ANKFY1: variants seen among roughly 807,000 people sequenced by gnomAD.
The protein encoded by ANKFY1 is ankyrin repeat and FYVE domain-containing protein 1.
A neutral mutation model predicts 128.3 loss-of-function variants in ANKFY1; 47 were observed. The observed-to-expected ratio is 0.37, with a 90% CI of 0.29 to 0.47. The LOEUF is 0.47. Ranked by LOEUF, ANKFY1 falls within the 20% of genes least tolerant of loss-of-function variation. The probability of loss-of-function intolerance (pLI) is 1.00; values close to 1 mark genes in which losing one functional copy is unlikely to be tolerated. For synonymous variants in ANKFY1, 553 were observed against 601.6 expected (o/e 0.92, Z 1.18); for missense variants, 1,222 against 1,510.6 (o/e 0.81, Z 3.17).
chr17:4,214,635 C>A (rs1416718583), intron 4 of ANKFY1, among the ~76,000 whole-genome samples: 3 of 151,676 alleles, frequency 2.0e-5, no homozygotes, highest in African/African-American at 7.3e-5. Flanking sequence ...AAGCGATTCT[C>A]CTGCCTCAGC....
Position 4,184,956 on chromosome 17 carries a change from T to A in ANKFY1, c.1561A>T (p.Thr521Ser), listed in dbSNP as rs548642449. The A allele has an allele frequency of 6.2e-7, 1 of 1,614,096 alleles. No individual in the cohort carries two copies. The highest frequency in any genetic ancestry group is 1.1e-5 in the South Asian group (1 of 91,090). The change falls in exon 12 of 25, where the codon ACG becomes TCG. Residue 521 changes from threonine (T) to serine (S), a missense_variant. By Grantham distance (58) the Thr-to-Ser change is moderately conservative (BLOSUM62 1). Coordinates refer to ENST00000341657, the MANE Select transcript of ANKFY1 (RefSeq NM_001330063.2). ...LQQGANPNLQ[T>S]EEALPLPKEA... is the part of the protein sequence containing the mutation. ...TTTGGCAGAGGCAGAGCTTCCTCCGTCTGCAGGTTTGGGTTGGCGCCTTGC... is the reference window on the plus strand; with the variant it reads ...TTTGGCAGAGGCAGAGCTTCCTCCGACTGCAGGTTTGGGTTGGCGCCTTGC...
intron 3 of ANKFY1, among the ~76,000 whole-genome samples, chr17:4,220,881 A>G (rs1424212968): frequency 6.6e-6 from 1 of 152,208 alleles, no homozygotes; most frequent in African/African-American, 2.4e-5. Flanking sequence ...AGTTCTCTCT[A>G]AAAGGAGTAG....
At chr17:4,250,339 T>C (rs143787346) in intron 1 of ANKFY1, among the ~76,000 whole-genome samples, 1,820 of 152,356 alleles carry the variant, frequency 0.012, 31 homozygotes, top group African/African-American at 0.039. Context: ...CAAAGTCTTC[T>C]TCCTACTTCA....
chr17:4,252,502 G>A (rs964457012), intron 1 of ANKFY1, among the ~76,000 whole-genome samples: 1 of 152,038 alleles, frequency 6.6e-6, no homozygotes, highest in African/African-American at 2.4e-5. Context: ...CCAGGAGTTC[G>A]AGGCTGCAGT....
At chr17:4,204,984 T>C (rs951816426) in intron 7 of ANKFY1, among the ~76,000 whole-genome samples, 1 of 152,206 alleles carries the variant, frequency 6.6e-6, no homozygotes, top group Non-Finnish European at 1.5e-5. Flanking sequence ...ATAAGGATAC[T>C]TGTATTAAAA....
intron 4 of ANKFY1, among the ~76,000 whole-genome samples, chr17:4,214,797 C>CGAA (rs2060193790): frequency 3.3e-5 from 5 of 152,000 alleles, no homozygotes; most frequent in African/African-American, 1.2e-4. Flanking sequence ...GTATAGTTTT[C>CGAA]ATATCACTCT....
In ANKFY1 at chr17:4,230,337, A is replaced by T. The variant is rs375017610; in HGVS notation, c.322+5435T>A. 3.3e-5 allele frequency among the ~76,000 whole-genome samples: 5 copies of T among 152,342 alleles called. No homozygotes were observed. The East Asian group carries it at 9.6e-4, about 29-fold the overall frequency. The stretch of plus-strand genomic sequence containing the variant: ...GGAGAGCTGAATGACTCATACCCTG[A>T]GCCCTTATGCCAAGGAACTGTAAGA... On this transcript the variant is annotated intron_variant, in intron 3 of 24. Coordinates refer to ENST00000341657, the MANE Select transcript of ANKFY1 (RefSeq NM_001330063.2).
At position 4,184,821 on chromosome 17, in the gene ANKFY1, T is replaced by C. The variant is rs2059581410; in HGVS notation, c.1696A>G (p.Lys566Glu). 2 of 1,612,660 alleles carry C rather than the reference T, an allele frequency of 1.2e-6. No individual in the cohort carries two copies. The highest frequency in any genetic ancestry group is 3.3e-5 in the Admixed American group (2 of 60,012). Residue 566 changes from lysine to glutamate, a missense_variant, in exon 12 of 25, where the codon AAA (lysine) becomes GAA (glutamate). Transcript: ENST00000341657. ...PDVVSVILEQ[K>E]ANALHATNNL... The stretch of plus-strand genomic sequence containing the variant: ...GACAGTATTCCCACTTACTTACCTT[T>C]CTGCTCCAGGATGACAGACACCACA...
At chr17:4,220,115 C>T (rs79241891) in intron 3 of ANKFY1, among the ~76,000 whole-genome samples, 8,124 of 152,192 alleles carry the variant, frequency 0.053, 474 homozygotes, top group African/African-American at 0.14. Context: ...GTGAGCCACC[C>T]TGCCCGGCCA....
At chr17:4,177,691 G>C (rs1015345586) in intron 18 of ANKFY1, among the ~76,000 whole-genome samples, 3 of 152,254 alleles carry the variant, frequency 2.0e-5, no homozygotes, top group African/African-American at 7.2e-5. Flanking sequence ...CTTTGCTTTG[G>C]CTAAAACAAG....
chr17:4,214,227 C>G (rs2060183831), intron 4 of ANKFY1, among the ~76,000 whole-genome samples: 1 of 152,192 alleles, frequency 6.6e-6, no homozygotes, highest in Non-Finnish European at 1.5e-5. Context: ...CACCAAGGGA[C>G]TCAAATATGT....
chr17:4,182,852 T>C (rs954606477), intron 14 of ANKFY1, among the ~76,000 whole-genome samples: 1 of 152,156 alleles, frequency 6.6e-6, no homozygotes, highest in Admixed American at 6.5e-5. Flanking sequence ...ATGACTGTAA[T>C]CCCAGCACTT....
intron 1 of ANKFY1, among the ~76,000 whole-genome samples, chr17:4,257,214 C>T (rs938710387): frequency 3.9e-5 from 6 of 152,128 alleles, no homozygotes; most frequent in Non-Finnish European, 8.8e-5. Flanking sequence ...TGTGGTCTTT[C>T]TCCCATCAGT....
At chr17:4,184,048 G>A (rs2059566500) in intron 12 of ANKFY1, 138 bp from the exon 13 acceptor site, 1 of 692,402 alleles carries the variant, frequency 1.4e-6, no homozygotes, top group Non-Finnish European at 2.4e-6. Flanking sequence ...GATAAATCTT[G>A]TCAAGACTCA....
intron 24 of ANKFY1, chr17:4,168,245 G>A (rs949677035): frequency 1.8e-5 from 3 of 169,690 alleles, no homozygotes; most frequent in East Asian, 3.2e-4. Context: ...TTGAGGGCAC[G>A]GGTTTCAAGA....
At chr17:4,189,324 CACT>C (rs2059669997) in intron 11 of ANKFY1, 55 bp downstream of exon 11, 4 of 1,425,872 alleles carry the variant, frequency 2.8e-6, no homozygotes, top group Non-Finnish European at 3.9e-6. Context: ...ACATATCCAC[CACT>C]GCCATTTCTT....
chr17:4,240,133 C>T (rs547962645), intron 2 of ANKFY1, among the ~76,000 whole-genome samples: 20 of 149,770 alleles, frequency 1.3e-4, no homozygotes, highest in African/African-American at 4.9e-4. Context: ...GGCGCAATCT[C>T]GGCTCACTGC....
chr17:4,213,120 G>C (rs1447404961), intron 4 of ANKFY1, among the ~76,000 whole-genome samples: 1 of 152,140 alleles, frequency 6.6e-6, no homozygotes, highest in Non-Finnish European at 1.5e-5. Flanking sequence ...CTAGGAGCAA[G>C]AATAAAATCT....
At chr17:4,172,180 T>C (rs898419314) in intron 22 of ANKFY1, among the ~76,000 whole-genome samples, 1 of 152,202 alleles carries the variant, frequency 6.6e-6, no homozygotes, top group African/African-American at 2.4e-5. Context: ...TGCCGACACA[T>C]GATCTAGCAC....
Sources: allele counts gnomAD v4.1 joint callset (sites outside exome capture counted in the v4.1 genomes callset), GRCh38; gene constraint gnomAD v4.1.1; transcripts MANE v1.5; gene names NCBI Gene and HGNC (gene_info 2026-07-23, HGNC 2026-07-21).